POTED: variants seen among roughly 807,000 people sequenced by gnomAD.
POTED encodes the protein ANKRD26-like family B member 3.
Under a neutral mutation model 19.0 loss-of-function variants are expected in POTED, and 7 were observed. The ratio of observed to expected loss-of-function variants is 0.37; its 90% confidence interval spans 0.21 to 0.69. The LOEUF (loss-of-function observed/expected upper bound fraction) is 0.69. Among genes scored for constraint, POTED ranks in the 30% least tolerant of loss-of-function variants. The pLI is 0.56. For synonymous variants in POTED, 16 were observed against 92.0 expected (o/e 0.17, Z 4.73); for missense variants, 54 against 278.5 (o/e 0.19, Z 5.74).
At chr21:13,635,398 T>G (rs1477868101) in intron 9 of POTED, among the ~76,000 whole-genome samples, 2 of 22,052 alleles carry the variant, frequency 9.1e-5, no homozygotes, top group Non-Finnish European at 1.4e-4. Flanking sequence ...CTATTTATTC[T>G]TTTACTAGTA....
Position 13,643,904 on chromosome 21 carries a change from A to T in POTED, c.*2338A>T, listed in dbSNP as rs2011291828. ...CAACCCACACCAACTGCCACTGAAG[A>T]TGAAGCCATGGTGGGCACAGAACCA... On this transcript the variant is annotated 3_prime_UTR_variant, in exon 11 of 11. Transcript: ENST00000299443. 1.4e-5 allele frequency among the ~76,000 whole-genome samples: 1 copy of T among 73,266 alleles called. No individual in the cohort carries two copies. 48.1% of individuals were successfully genotyped at this position (73,266 alleles called of 152,430 possible).
At chr21:13,639,764 G>A (rs796849615) in intron 10 of POTED, 126 bp downstream of exon 10, 1 of 501,874 alleles carries the variant, frequency 2.0e-6, no homozygotes, top group Non-Finnish European at 2.7e-6. Flanking sequence ...GTATATATAT[G>A]TGTGTGTGTA....
At chr21:13,637,004 A>ATTTT (rs1208399825) in intron 9 of POTED, among the ~76,000 whole-genome samples, 14 of 16,442 alleles carry the variant, frequency 8.5e-4, no homozygotes, top group Admixed American at 1.5e-3. Context: ...ATATATATAT[A>ATTTT]TTTTTTTTTT....
chr21:13,626,624 T>C lies in POTED; in HGVS notation c.1127-1758T>C, dbSNP rs370370448. Among the ~76,000 whole-genome samples, 109 of 91,956 alleles carry C rather than the reference T, an allele frequency of 1.2e-3. 24 individuals carry two copies. The highest frequency in any genetic ancestry group is 0.012 in the Middle Eastern group (2 of 162). The allele number at this position is 91,956 out of a possible 152,430, so 60.3% of individuals were successfully genotyped here. Reference sequence around the variant, plus strand: ...AATCTGACTTCTGCCCTACTCTACATCTTTAGCCCTTTTCCCTGTGTGCCC... The same window carrying C: ...AATCTGACTTCTGCCCTACTCTACACCTTTAGCCCTTTTCCCTGTGTGCCC... On this transcript the variant is annotated intron_variant, in intron 6 of 10. Transcript: ENST00000299443.
intron 6 of POTED, among the ~76,000 whole-genome samples, chr21:13,626,591 G>A (rs528770436): frequency 0.013 from 1,290 of 101,142 alleles, 446 homozygotes; most frequent in African/African-American, 0.06. Context: ...TACACATAAG[G>A]CTTTCATAAT....
intron 9 of POTED, among the ~76,000 whole-genome samples, chr21:13,636,637 T>C (rs1311362317): frequency 1.3e-5 from 1 of 77,364 alleles, no homozygotes; most frequent in Non-Finnish European, 2.2e-5. Flanking sequence ...TAATGACATT[T>C]TGATATTTTA....
chr21:13,637,004 A>ATATATATATATATATATTTTTT (rs1481200854), intron 9 of POTED, among the ~76,000 whole-genome samples: 1 of 16,470 alleles, frequency 6.1e-5, no homozygotes, highest in African/African-American at 8.8e-4. Context: ...ATATATATAT[A>ATATATATATATATATATTTTTT]TTTTTTTTTT....
In POTED at chr21:13,623,995, A is replaced by T. The variant is rs1403945987; in HGVS notation, c.1126+1120A>T. On this transcript the variant is annotated intron_variant, in intron 6 of 10. Transcript: ENST00000299443. ...TCTGTGCTTTTTCAACAGAATTTAC[A>T]AAGAAAACCTTTCTATGTTTTCACT... 4.8e-5 allele frequency among the ~76,000 whole-genome samples: 5 copies of T among 103,724 alleles called. 2 individuals are homozygous for T. The highest frequency in any genetic ancestry group is 9.4e-5 in the Non-Finnish European group (5 of 53,094). The allele number at this position is 103,724 out of a possible 152,430, so 68.0% of individuals were successfully genotyped here.
At position 13,616,276 on chromosome 21, in the gene POTED, G is replaced by A. The variant is rs998760074; in HGVS notation, c.810+706G>A. 1.4e-4 allele frequency among the ~76,000 whole-genome samples: 2 copies of A among 14,622 alleles called. 1 individual carries two copies. Among genetic ancestry groups the A allele is most frequent in the African/African-American group, 8.8e-4 (2 of 2,272 alleles). The allele number at this position is 14,622 out of a possible 152,430, so 9.6% of individuals were successfully genotyped here. A position where few individuals can be genotyped will look rare whatever the true frequency, so the allele number is the denominator to read the frequency against. On this transcript the variant is annotated intron_variant, in intron 3 of 10. Coordinates refer to ENST00000299443, the MANE Select transcript of POTED (RefSeq NM_174981.6). ...GTTTGGGAGAGGGAGTTAGTGGGTT[G>A]TAAACTGCCTAGAGATAAATTTTAG...
At chr21:13,623,962 A>G (rs201508078) in intron 6 of POTED, among the ~76,000 whole-genome samples, 1 of 106,336 alleles carries the variant, frequency 9.4e-6, no homozygotes, top group Non-Finnish European at 1.9e-5. Flanking sequence ...AGCTGTCTCT[A>G]TTTCATTTCT....
rs544437148 is a variant in POTED at position 13,634,273 on chromosome 21, T to A, written c.1409+3166T>A. On this transcript the variant is annotated intron_variant, in intron 9 of 10. Transcript: ENST00000299443. ...CCAGAAGCCAGTCATATCTCATACA[T>A]CTGAGCCACCCTCATCTGCAGTCTA... Among the ~76,000 whole-genome samples the A allele has an allele frequency of 3.8e-4, 31 of 82,074 alleles. 11 individuals are homozygous for A. The East Asian group carries it at 7.5e-3, about 20-fold the overall frequency. The allele number at this position is 82,074 out of a possible 152,430, so 53.8% of individuals were successfully genotyped here.
In POTED at chr21:13,610,469, G is replaced by A. The variant is rs1257539238; in HGVS notation, c.241G>A (p.Gly81Ser). 6.7e-6 allele frequency: 7 copies of A among 1,038,494 alleles called. 1 individual carries two copies. Among genetic ancestry groups the A allele is most frequent in the Non-Finnish European group, 8.6e-6 (7 of 812,156 alleles). The allele number at this position is 1,038,494 out of a possible 1,614,324, so 64.3% of individuals were successfully genotyped here. A position where few individuals can be genotyped will look rare whatever the true frequency, so the allele number is the denominator to read the frequency against. Residue 81 changes from glycine to serine, a missense_variant, in exon 1 of 11, where the codon GGC (glycine) becomes AGC (serine). Gly to Ser is a moderately conservative substitution (Grantham distance 56). Transcript: ENST00000299443. ...CAGGGGGAGCGGCACGAGCAACGTGGGCACTTCTGGAGACCATGAAAACTC... is the reference window on the plus strand; with the variant it reads ...CAGGGGGAGCGGCACGAGCAACGTGAGCACTTCTGGAGACCATGAAAACTC... ...CCRGSGTSNV[G>S]TSGDHENSFM...
chr21:13,637,005 T>TATATATATATATATATATATATATA (rs1491152956), intron 9 of POTED, among the ~76,000 whole-genome samples: 2 of 12,368 alleles, frequency 1.6e-4, no homozygotes, highest in Non-Finnish European at 2.8e-4. Flanking sequence ...TATATATATA[T>TATATATATATATATATATATATATA]TTTTTTTTTT....
chr21:13,633,377 CT>C (rs2011222012), intron 9 of POTED, among the ~76,000 whole-genome samples: 1 of 60,804 alleles, frequency 1.6e-5, no homozygotes, highest in African/African-American at 1.5e-4. Context: ...AGGCACTTTT[CT>C]TCCACCTCAT....
chr21:13,645,553 C>T lies in POTED; in HGVS notation c.*3987C>T, dbSNP rs1310060260. Among the ~76,000 whole-genome samples the T allele has an allele frequency of 7.9e-6, 1 of 127,054 alleles. No individual in the cohort carries two copies. The highest frequency in any genetic ancestry group is 1.7e-5 in the Non-Finnish European group (1 of 59,844). 83.4% of individuals were successfully genotyped at this position (127,054 alleles called of 152,430 possible). ...GCTGAGGGAATTCGTTATCACCAGA[C>T]CTACCTTACAAGAGCTCCTGAAGGA... On this transcript the variant is annotated 3_prime_UTR_variant, in exon 11 of 11. Transcript: ENST00000299443.
At chr21:13,618,125 A>C (rs2011161448) in intron 3 of POTED, among the ~76,000 whole-genome samples, 2 of 62,196 alleles carry the variant, frequency 3.2e-5, no homozygotes, top group South Asian at 1.0e-3. Context: ...GGAAACAGTA[A>C]ATGTTTAAGG....
In POTED at chr21:13,610,345, C is replaced by T; in HGVS notation, c.117C>T (p.Gly39=). The T allele has an allele frequency of 1.6e-6, 1 of 613,172 alleles. No individual in the cohort carries two copies. Among genetic ancestry groups the T allele is most frequent in the Non-Finnish European group, 2.2e-6 (1 of 452,808 alleles). The allele number at this position is 613,172 out of a possible 1,614,324, so 38.0% of individuals were successfully genotyped here. ...GCTTCCCCTGCTGCAGGGGGAGCGG[C>T]AAGAGCAACATGGGCACTTCTGGAG... ...HHRFPCCRGS[G]KSNMGTSGDH... Residue 39 remains glycine, a synonymous_variant, in exon 1 of 11, where the codon GGC becomes GGT. Coordinates refer to ENST00000299443, the MANE Select transcript of POTED (RefSeq NM_174981.6).
At position 13,640,523 on chromosome 21, in the gene POTED, C is replaced by CGTGT. The variant is rs563854848; in HGVS notation, c.1534-797_1534-794dup. Among the ~76,000 whole-genome samples the CGTGT allele has an allele frequency of 7.2e-4, 54 of 75,424 alleles. 14 individuals are homozygous for CGTGT. The highest frequency in any genetic ancestry group is 2.5e-3 in the Admixed American group (22 of 8,884). 49.5% of individuals were successfully genotyped at this position (75,424 alleles called of 152,430 possible). On this transcript the variant is annotated intron_variant, in intron 10 of 10. Coordinates refer to ENST00000299443, the MANE Select transcript of POTED (RefSeq NM_174981.6). Reference sequence around the variant, plus strand: ...AAAAATCCTGCACGTTGCATATATACGTGTGTGTGTGTGTGTGTGTGTGTG... The same window carrying CGTGT: ...AAAAATCCTGCACGTTGCATATATACGTGTGTGTGTGTGTGTGTGTGTGTGTGTG...
chr21:13,612,834 T>C (rs2011146065), intron 1 of POTED, among the ~76,000 whole-genome samples: 1 of 79,326 alleles, frequency 1.3e-5, no homozygotes, highest in Admixed American at 1.1e-4. Context: ...GATACAGAGA[T>C]ATGTCGGCAT....
Sources: gnomAD v4.1 joint callset for allele counts (sites outside exome capture counted in the v4.1 genomes callset) on GRCh38, gnomAD v4.1.1 for gene constraint, MANE v1.5 for transcripts, NCBI Gene and HGNC (gene_info 2026-07-23, HGNC 2026-07-21) for gene names.